GFRAL: variants seen among roughly 807,000 people sequenced by gnomAD.
GFRAL encodes GDNF family receptor alpha-like.
A neutral mutation model predicts 45.4 loss-of-function variants in GFRAL; 36 were observed. That is an observed-to-expected ratio of 0.79 (90% confidence interval 0.61 to 1.05). The LOEUF (loss-of-function observed/expected upper bound fraction) is 1.05. GFRAL is among the 50% of genes least tolerant of loss of function. GFRAL has a pLI of 0.00. For missense variants in GFRAL, 507 were observed against 467.5 expected (o/e 1.08, Z -0.78); for synonymous variants, 166 against 154.1 (o/e 1.08, Z -0.57).
chr6:55,370,828 T>A (rs1768440955), intron 6 of GFRAL, among the ~76,000 whole-genome samples: 1 of 152,218 alleles, frequency 6.6e-6, no homozygotes, highest in Non-Finnish European at 1.5e-5. Context: ...CTTAATAATT[T>A]TCTTTTGCTT....
intron 6 of GFRAL, among the ~76,000 whole-genome samples, chr6:55,366,570 G>A: frequency 7.1e-6 from 1 of 141,164 alleles, no homozygotes; most frequent in East Asian, 1.9e-4. Flanking sequence ...TTTCTCTTGT[G>A]GGCATTTAGT....
Position 55,350,128 on chromosome 6 carries a change from CT to C in GFRAL, c.354del (p.Thr119HisfsTer21). ...VKEDKFKWNL[T>X]TRSHHGFKGM... ...GAGGATAAATTCAAATGGAATCTAA[CT>C]ACACGTTCCCATCATGGTAATGTTT... On this transcript the variant is annotated frameshift_variant, in exon 4 of 9. Transcript: ENST00000340465. LOFTEE classifies it high-confidence loss of function. The C allele has an allele frequency of 6.5e-7, 1 of 1,535,716 alleles. No homozygotes were observed. The highest frequency in any genetic ancestry group is 9.0e-7 in the Non-Finnish European group (1 of 1,110,028).
intron 6 of GFRAL, among the ~76,000 whole-genome samples, chr6:55,368,515 A>C: frequency 6.6e-6 from 1 of 151,182 alleles, no homozygotes. Context: ...GAGGAGAGGC[A>C]CTCTGCTTTT....
intron 6 of GFRAL, among the ~76,000 whole-genome samples, chr6:55,387,049 A>G (rs946946521): frequency 5.3e-5 from 8 of 152,314 alleles, no homozygotes; most frequent in South Asian, 2.1e-4. Context: ...TTCATTGAAC[A>G]TGAAATGTTG....
intron 8 of GFRAL, among the ~76,000 whole-genome samples, chr6:55,400,429 C>G (rs1768881300): frequency 6.6e-6 from 1 of 152,138 alleles, no homozygotes; most frequent in South Asian, 2.1e-4. Flanking sequence ...ACATATCTTG[C>G]TCCTCCAGAG....
At chr6:55,387,701 A>G (rs1417532464) in intron 6 of GFRAL, among the ~76,000 whole-genome samples, 2 of 152,228 alleles carry the variant, frequency 1.3e-5, no homozygotes, top group Non-Finnish European at 2.9e-5. Context: ...TTCGTCTTCC[A>G]TTAGTATCAG....
intron 3 of GFRAL, among the ~76,000 whole-genome samples, chr6:55,341,132 C>A (rs924298398): frequency 2.6e-5 from 4 of 152,210 alleles, no homozygotes; most frequent in African/African-American, 9.6e-5. Context: ...GCAGAAACCT[C>A]TGCAGACTTA....
At chr6:55,376,865 C>A (rs1213549928) in intron 6 of GFRAL, among the ~76,000 whole-genome samples, 1 of 151,668 alleles carries the variant, frequency 6.6e-6, no homozygotes. Flanking sequence ...TATTTCTTGT[C>A]TTCTGCTAGC....
intron 3 of GFRAL, among the ~76,000 whole-genome samples, chr6:55,340,226 C>T (rs1034126182): frequency 6.6e-6 from 1 of 152,074 alleles, no homozygotes; most frequent in Admixed American, 6.5e-5. Context: ...CTCCACAGAC[C>T]TTCTAATCAT....
chr6:55,376,013 T>C (rs961796573), intron 6 of GFRAL, among the ~76,000 whole-genome samples: 5 of 152,140 alleles, frequency 3.3e-5, no homozygotes, highest in Admixed American at 1.3e-4. Flanking sequence ...ACGGCTCTTA[T>C]TATTTTGAGG....
chr6:55,346,638 A>C (rs1768045881), intron 3 of GFRAL, among the ~76,000 whole-genome samples: 1 of 152,132 alleles, frequency 6.6e-6, no homozygotes, highest in African/African-American at 2.4e-5. Flanking sequence ...GCATGTATAC[A>C]TATGTAACCA....
chr6:55,343,253 C>A (rs554438008), intron 3 of GFRAL, among the ~76,000 whole-genome samples: 1 of 152,112 alleles, frequency 6.6e-6, no homozygotes, highest in Non-Finnish European at 1.5e-5. Context: ...CACACTTATT[C>A]GAAAATTGAC....
At chr6:55,345,237 A>G (rs1021869154) in intron 3 of GFRAL, among the ~76,000 whole-genome samples, 1 of 152,138 alleles carries the variant, frequency 6.6e-6, no homozygotes, top group Non-Finnish European at 1.5e-5. Flanking sequence ...CATTGCCAAG[A>G]CAATCCTAAG....
At chr6:55,400,397 G>A (rs985731786) in intron 8 of GFRAL, among the ~76,000 whole-genome samples, 3 of 152,070 alleles carry the variant, frequency 2.0e-5, no homozygotes, top group African/African-American at 7.2e-5. Context: ...GATTAATTCA[G>A]TCAACTCTAC....
In GFRAL at chr6:55,333,767, T is replaced by C; in HGVS notation, c.158-19T>C. 2 of 1,557,246 alleles carry C rather than the reference T, an allele frequency of 1.3e-6. No individual in the cohort carries two copies. Among genetic ancestry groups the C allele is most frequent in the Non-Finnish European group, 8.7e-7 (1 of 1,147,226 alleles). ...TATAATCAGATTAATATCTATAGTG[T>C]TATGTGTTTGATTGTGAGATCCAGG... On this transcript the variant is annotated intron_variant, in intron 2 of 8. Transcript: ENST00000340465.
intron 6 of GFRAL, among the ~76,000 whole-genome samples, chr6:55,386,076 A>T (rs1768678395): frequency 6.6e-6 from 1 of 152,114 alleles, no homozygotes; most frequent in Non-Finnish European, 1.5e-5. Context: ...ACTATACTAA[A>T]ATTTTAAGAA....
At chr6:55,357,983 T>C (rs1376989625) in intron 5 of GFRAL, among the ~76,000 whole-genome samples, 1 of 151,850 alleles carries the variant, frequency 6.6e-6, no homozygotes, top group African/African-American at 2.4e-5. Context: ...GACCTAATAA[T>C]TACATGTTCA....
intron 3 of GFRAL, among the ~76,000 whole-genome samples, chr6:55,344,266 G>A (rs1768009424): frequency 6.6e-6 from 1 of 152,162 alleles, no homozygotes; most frequent in Admixed American, 6.5e-5. Flanking sequence ...TATCCCTGAT[G>A]AACATTGATG....
intron 3 of GFRAL, among the ~76,000 whole-genome samples, chr6:55,345,726 G>A (rs1320246877): frequency 6.6e-6 from 1 of 152,130 alleles, no homozygotes; most frequent in Non-Finnish European, 1.5e-5. Flanking sequence ...CTTCTGTACA[G>A]CAAAAGAAAC....
Sources: gnomAD v4.1 joint callset for allele counts (sites outside exome capture counted in the v4.1 genomes callset) on GRCh38, gnomAD v4.1.1 for gene constraint, MANE v1.5 for transcripts, NCBI Gene and HGNC (gene_info 2026-07-23, HGNC 2026-07-21) for gene names.